Variants in RASGRP3 observed in about 807,000 individuals in gnomAD.
The protein encoded by RASGRP3 is RAS guanyl releasing protein 3.
A neutral mutation model predicts 82.7 loss-of-function variants in RASGRP3; 54 were observed. That is an observed-to-expected ratio of 0.65 (90% CI 0.52 to 0.82). RASGRP3 has a LOEUF of 0.82. RASGRP3 is among the 40% of genes least tolerant of loss of function. RASGRP3 has a pLI of 0.00. For synonymous variants in RASGRP3, 309 were observed against 300.5 expected (o/e 1.03, Z -0.29); for missense variants, 861 against 828.9 (o/e 1.04, Z -0.48).
intron 1 of RASGRP3, among the ~76,000 whole-genome samples, chr2:33,489,689 C>A (rs1433708779): frequency 6.6e-6 from 1 of 152,196 alleles, no homozygotes; most frequent in African/African-American, 2.4e-5. Context: ...GCAGGCACCA[C>A]CACACCCAAC....
chr2:33,515,553 G>C (rs1671378857), intron 3 of RASGRP3, among the ~76,000 whole-genome samples: 1 of 152,168 alleles, frequency 6.6e-6, no homozygotes, highest in Non-Finnish European at 1.5e-5. Flanking sequence ...CAGGAATGCT[G>C]CTTGCCTCTT....
intron 1 of RASGRP3, among the ~76,000 whole-genome samples, chr2:33,447,458 C>A (rs2150879970): frequency 6.7e-6 from 1 of 148,650 alleles, no homozygotes; most frequent in South Asian, 2.1e-4. Flanking sequence ...TTTTTTGAGA[C>A]AGAGTTTCAC....
chr2:33,474,268 C>T (rs981459820), upstream of RASGRP3, among the ~76,000 whole-genome samples: 1 of 152,104 alleles, frequency 6.6e-6, no homozygotes, highest in Non-Finnish European at 1.5e-5. Flanking sequence ...ATCTTAGGGG[C>T]AGATTTCTCA....
chr2:33,528,826 A>G (rs1476115341), intron 10 of RASGRP3, among the ~76,000 whole-genome samples: 1 of 152,214 alleles, frequency 6.6e-6, no homozygotes, highest in African/African-American at 2.4e-5. Context: ...TAGTAAATAT[A>G]CAGACTTTCT....
intron 2 of RASGRP3, among the ~76,000 whole-genome samples, chr2:33,469,736 C>T (rs771004161): frequency 2.6e-5 from 4 of 152,160 alleles, no homozygotes; most frequent in Non-Finnish European, 5.9e-5. Flanking sequence ...GCTGGGTTTA[C>T]AGGCATGAGC....
chr2:33,514,505 C>CAAAAAA lies in RASGRP3; in HGVS notation c.-127-488_-127-483dup, dbSNP rs3083005. 2.8e-3 allele frequency among the ~76,000 whole-genome samples: 167 copies of CAAAAAA among 60,502 alleles called. 2 individuals carry two copies. The highest frequency in any genetic ancestry group is 0.015 in the East Asian group (29 of 1,892). 39.7% of individuals were successfully genotyped at this position (60,502 alleles called of 152,430 possible). ...GCAACATGGTAAAACCCCATCTCTA[C>CAAAAAA]AAAAAAAAAAAAAAAAAAAAAACCC... On this transcript the variant is annotated intron_variant, in intron 2 of 17. Transcript: ENST00000403687.
intron 9 of RASGRP3, among the ~76,000 whole-genome samples, chr2:33,525,889 C>T (rs1157402852): frequency 1.3e-5 from 2 of 151,860 alleles, no homozygotes; most frequent in Non-Finnish European, 2.9e-5. Flanking sequence ...AGAGCAGGCA[C>T]GGTCTGATCA....
intron 2 of RASGRP3, among the ~76,000 whole-genome samples, chr2:33,471,217 C>A (rs1349512481): frequency 6.6e-6 from 1 of 151,900 alleles, no homozygotes; most frequent in Non-Finnish European, 1.5e-5. Flanking sequence ...TCTCTGTTGC[C>A]CAGTCTGGAG....
intron 2 of RASGRP3, among the ~76,000 whole-genome samples, chr2:33,470,819 CTTT>C (rs1259372055): frequency 6.6e-6 from 1 of 152,096 alleles, no homozygotes; most frequent in Non-Finnish European, 1.5e-5. Flanking sequence ...GTTCACCTCA[CTTT>C]TTAATTATTT....
chr2:33,475,924 G>A (rs1417289822), upstream of RASGRP3, among the ~76,000 whole-genome samples: 3 of 152,184 alleles, frequency 2.0e-5, no homozygotes, highest in African/African-American at 7.2e-5. Context: ...AATCTCAGCT[G>A]CTCGATGCAA....
chr2:33,471,068 C>T (rs1667032403), intron 2 of RASGRP3, among the ~76,000 whole-genome samples: 1 of 151,878 alleles, frequency 6.6e-6, no homozygotes, highest in South Asian at 2.1e-4. Context: ...AGTATGATGC[C>T]TATGTTTGAT....
At chr2:33,482,365 G>A (rs889238124) in intron 1 of RASGRP3, 1 of 152,174 alleles carries the variant, frequency 6.6e-6, no homozygotes, top group African/African-American at 2.4e-5. Context: ...TTTCTGTCTT[G>A]AAGACTCATA....
intron 2 of RASGRP3, among the ~76,000 whole-genome samples, chr2:33,514,525 A>AC (rs1427570119): frequency 2.9e-4 from 43 of 150,054 alleles, no homozygotes; most frequent in Non-Finnish European, 5.2e-4. Flanking sequence ...AAAAAAAAAA[A>AC]AACCCAAAAA....
chr2:33,491,734 G>C (rs1668860302), intron 1 of RASGRP3, among the ~76,000 whole-genome samples: 1 of 152,264 alleles, frequency 6.6e-6, no homozygotes, highest in African/African-American at 2.4e-5. Context: ...ATTGGATAGT[G>C]TTTTTGTGAT....
intron 1 of RASGRP3, among the ~76,000 whole-genome samples, chr2:33,504,929 C>G (rs1244070594): frequency 6.6e-6 from 1 of 152,168 alleles, no homozygotes; most frequent in Non-Finnish European, 1.5e-5. Flanking sequence ...AAGTCAATAA[C>G]CAGCTCAGAG....
chr2:33,467,240 T>A (rs1666750074), intron 2 of RASGRP3, among the ~76,000 whole-genome samples: 1 of 152,122 alleles, frequency 6.6e-6, no homozygotes. Flanking sequence ...GTTATTGATA[T>A]TGGTTTGTTT....
upstream of RASGRP3, among the ~76,000 whole-genome samples, chr2:33,472,718 A>T (rs746876491): frequency 6.6e-6 from 1 of 151,834 alleles, no homozygotes; most frequent in South Asian, 2.1e-4. Flanking sequence ...GCACTTTGGG[A>T]GGCTGAGGCG....
chr2:33,530,393 G>T (rs4670657), intron 10 of RASGRP3, among the ~76,000 whole-genome samples: 1 of 151,416 alleles, frequency 6.6e-6, no homozygotes, highest in African/African-American at 2.4e-5. Context: ...GTTAATTACA[G>T]TTTTCACAGC....
At chr2:33,474,028 C>T (rs116548056), upstream of RASGRP3, among the ~76,000 whole-genome samples, 1,358 of 152,202 alleles carry the variant, frequency 8.9e-3, 50 homozygotes, top group East Asian at 0.11. Context: ...AATGCCACAG[C>T]TGATCTGACA....
Sources: allele counts gnomAD v4.1 joint callset (sites outside exome capture counted in the v4.1 genomes callset), GRCh38; gene constraint gnomAD v4.1.1; transcripts MANE v1.5; gene names NCBI Gene and HGNC (gene_info 2026-07-23, HGNC 2026-07-21).